The following EEF2KMT variants were observed in gnomAD, a reference collection of about 807,000 sequenced individuals.
EEF2KMT encodes the protein eukaryotic elongation factor 2 lysine methyltransferase.
EEF2KMT carries 30 observed loss-of-function variants against 35.1 expected under a neutral mutation model. The ratio of observed to expected loss-of-function variants is 0.85; its 90% CI spans 0.64 to 1.16. EEF2KMT has a LOEUF of 1.16. Ranked by LOEUF, EEF2KMT falls within the 50% of genes most tolerant of loss-of-function variation. The probability of loss-of-function intolerance (pLI) is 0.00; values close to 1 mark genes in which losing one functional copy is unlikely to be tolerated. For missense variants in EEF2KMT, 499 were observed against 438.2 expected, an observed-to-expected ratio of 1.14 and a Z score of -1.24; for synonymous variants, 190 against 187.7, an observed-to-expected ratio of 1.01 and a Z score of -0.10.
chr16:5,096,982 A>C (rs1957482570), intron 1 of EEF2KMT, among the ~76,000 whole-genome samples: 1 of 152,208 alleles, frequency 6.6e-6, no homozygotes, highest in South Asian at 2.1e-4. Context: ...CCAGGGAGGA[A>C]TATATATCCA....
At chr16:5,094,410 G>A (rs1034020792) in intron 2 of EEF2KMT, among the ~76,000 whole-genome samples, 2 of 152,128 alleles carry the variant, frequency 1.3e-5, no homozygotes, top group Non-Finnish European at 2.9e-5. Flanking sequence ...CTATAGGCAT[G>A]TACCACCACG....
At position 5,088,935 on chromosome 16, in the gene EEF2KMT, C is replaced by T. The variant is rs569769491; in HGVS notation, c.892+172G>A. 3.1e-4 allele frequency among the ~76,000 whole-genome samples: 47 copies of T among 152,310 alleles called. 1 individual carries two copies. Among genetic ancestry groups the T allele is most frequent in the African/African-American group, 9.4e-4 (39 of 41,566 alleles). On this transcript the variant is annotated intron_variant, in intron 7 of 7. Coordinates refer to ENST00000427587, the MANE Select transcript of EEF2KMT (RefSeq NM_201400.4). ...TGAGCTGCCCTCCTCCTGCCGCAAG[C>T]CCCCCACGCCCCAAGCCCACCCTGC...
At chr16:5,093,849 G>C (rs1471254487) in intron 2 of EEF2KMT, among the ~76,000 whole-genome samples, 1 of 152,252 alleles carries the variant, frequency 6.6e-6, no homozygotes, top group Non-Finnish European at 1.5e-5. Context: ...TCCCAGGGGA[G>C]CCAGTGTGAA....
At chr16:5,096,138 C>A (rs1957459259) in intron 1 of EEF2KMT, among the ~76,000 whole-genome samples, 1 of 152,104 alleles carries the variant, frequency 6.6e-6, no homozygotes, top group Non-Finnish European at 1.5e-5. Flanking sequence ...GGCTTGTTTC[C>A]ACCACAGGGC....
In EEF2KMT at chr16:5,084,703, G is replaced by T. The variant is rs761551695; in HGVS notation, c.*929C>A. 1.3e-6 allele frequency: 2 copies of T among 1,596,284 alleles called. No homozygotes were observed. The highest frequency in any genetic ancestry group is 1.1e-5 in the South Asian group (1 of 90,964). On this transcript the variant is annotated 3_prime_UTR_variant, in exon 8 of 8. Coordinates refer to ENST00000427587, the MANE Select transcript of EEF2KMT (RefSeq NM_201400.4). ...TCAGCCAGGTGGTGACCTGGGATGGGGTGGGGACAGGCAATGAGGTAAGCT... is the reference window on the plus strand; with the variant it reads ...TCAGCCAGGTGGTGACCTGGGATGGTGTGGGGACAGGCAATGAGGTAAGCT...
Position 5,085,714 on chromosome 16 carries a change from C to T in EEF2KMT, c.911G>A (p.Trp304Ter). The change falls in exon 8 of 8, where the codon TGG becomes TAG. Residue 304 changes from tryptophan (W) to a stop codon, truncating the protein, a stop_gained. Transcript: ENST00000427587. LOFTEE classifies it low-confidence loss of function (END_TRUNC). ...TTELGRAGIR[W>*]EVEPRHEQKL... Reference sequence around the variant, plus strand: ...CTGCTCATGACGAGGTTCCACTTCCCATCTGATCCCGGCCCGGCCTGGAAA... The same window carrying T: ...CTGCTCATGACGAGGTTCCACTTCCTATCTGATCCCGGCCCGGCCTGGAAA... 1 of 1,611,800 alleles carries T rather than the reference C, an allele frequency of 6.2e-7. No homozygotes were observed. Among genetic ancestry groups the T allele is most frequent in the Non-Finnish European group, 8.5e-7 (1 of 1,179,710 alleles).
chr16:5,087,133 C>G (rs1474365405), intron 7 of EEF2KMT: 3 of 152,296 alleles, frequency 2.0e-5, no homozygotes. Flanking sequence ...AATCTTTTGG[C>G]CTCCCTGTGC....
chr16:5,084,557 A>C lies in EEF2KMT; in HGVS notation c.*1075T>G. On this transcript the variant is annotated 3_prime_UTR_variant, in exon 8 of 8. Transcript: ENST00000427587. ...TGTGGGAAAGTGGGACATGCGGGGAAGTTTCCAGAAACTGTGATGTCAAGT... is the reference window on the plus strand; with the variant it reads ...TGTGGGAAAGTGGGACATGCGGGGACGTTTCCAGAAACTGTGATGTCAAGT... 1.1e-6 allele frequency: 1 copy of C among 882,458 alleles called. No homozygotes were observed. The highest frequency in any genetic ancestry group is 1.8e-6 in the Non-Finnish European group (1 of 569,396). 54.7% of individuals were successfully genotyped at this position (882,458 alleles called of 1,614,324 possible). A position where few individuals can be genotyped will look rare whatever the true frequency, so the allele number is the denominator to read the frequency against.
In EEF2KMT at chr16:5,091,800, A is replaced by G. The variant is rs1198332550; in HGVS notation, c.336T>C (p.Tyr112=). The change falls in exon 4 of 8, where the codon TAT becomes TAC. Residue 112 remains tyrosine, a synonymous_variant. Transcript: ENST00000427587. ...AKESTQGHRS[Y]LLPSGGSVTL... ...GAGGGTGCCCTTCTCATACCAGCAA[A>G]TAGCTCCGGTGGCCCTGGGTGGACT... 1.2e-6 allele frequency: 2 copies of G among 1,611,628 alleles called. No homozygotes were observed. The highest frequency in any genetic ancestry group is 2.2e-5 in the South Asian group (2 of 90,982).
At chr16:5,097,465 G>A (rs1029512047) in intron 1 of EEF2KMT, 179 bp downstream of exon 1, 1 of 1,416,378 alleles carries the variant, frequency 7.1e-7, no homozygotes, top group Non-Finnish European at 9.3e-7. Context: ...CGGGGCAGGA[G>A]GGGTGCGAGC....
At chr16:5,097,493 A>C in intron 1 of EEF2KMT, 151 bp downstream of exon 1, 1 of 1,432,436 alleles carries the variant, frequency 7.0e-7, no homozygotes, top group Non-Finnish European at 9.2e-7. Context: ...GCCAGGCCCC[A>C]GGGACGGGGA....
Position 5,084,560 on chromosome 16 carries a change from T to G in EEF2KMT, c.*1072A>C, listed in dbSNP as rs1276782154. 1.1e-6 allele frequency: 1 copy of G among 937,512 alleles called. No individual in the cohort carries two copies. Among genetic ancestry groups the G allele is most frequent in the Admixed American group, 2.1e-5 (1 of 46,642 alleles). The allele number at this position is 937,512 out of a possible 1,614,324, so 58.1% of individuals were successfully genotyped here. A position where few individuals can be genotyped will look rare whatever the true frequency, so the allele number is the denominator to read the frequency against. ...GGGAAAGTGGGACATGCGGGGAAGT[T>G]TCCAGAAACTGTGATGTCAAGTTGG... On this transcript the variant is annotated 3_prime_UTR_variant, in exon 8 of 8. Transcript: ENST00000427587.
chr16:5,095,927 G>A (rs150412424), intron 1 of EEF2KMT, among the ~76,000 whole-genome samples: 3,840 of 151,302 alleles, frequency 0.025, 103 homozygotes, highest in East Asian at 0.13. Context: ...CTTGGCTCCC[G>A]AGTTAGGCAG....
At chr16:5,091,479 C>G (rs148655395) in intron 4 of EEF2KMT, among the ~76,000 whole-genome samples, 1 of 151,488 alleles carries the variant, frequency 6.6e-6, no homozygotes, top group Non-Finnish European at 1.5e-5. Context: ...CCTCCCAAAG[C>G]GCTGGGATTA....
Position 5,085,721 on chromosome 16 carries a change from TCCCGG to T in EEF2KMT, c.899_903del (p.Ala300AspfsTer10). ...TGACGAGGTTCCACTTCCCATCTGA[TCCCGG>T]CCCGGCCTGGAAACAGAGCACATGT... On this transcript the variant is annotated frameshift_variant, in exon 8 of 8. Transcript: ENST00000427587. LOFTEE classifies it low-confidence loss of function (END_TRUNC). 1 of 1,611,544 alleles carries T rather than the reference TCCCGG, an allele frequency of 6.2e-7. No homozygotes were observed. Among genetic ancestry groups the T allele is most frequent in the Non-Finnish European group, 8.5e-7 (1 of 1,179,532 alleles).
At chr16:5,092,298 C>G (rs1161825201) in intron 3 of EEF2KMT, among the ~76,000 whole-genome samples, 3 of 152,126 alleles carry the variant, frequency 2.0e-5, no homozygotes, top group Non-Finnish European at 2.9e-5. Context: ...GTGTTTGGAT[C>G]AAACACAGAG....
chr16:5,088,073 C>T (rs1471691440), intron 7 of EEF2KMT, among the ~76,000 whole-genome samples: 1 of 151,906 alleles, frequency 6.6e-6, no homozygotes, highest in South Asian at 2.1e-4. Flanking sequence ...TCCTGAGTAG[C>T]TGGGACTACA....
chr16:5,095,534 A>G lies in EEF2KMT; in HGVS notation c.97-20T>C. On this transcript the variant is annotated intron_variant, in intron 1 of 7. Coordinates refer to ENST00000427587, the MANE Select transcript of EEF2KMT (RefSeq NM_201400.4). ...TAAGCTCTGTGTGGAGGGGAAAGAG[A>G]GAAATCTCAAGGGCGCATTCACAGG... The G allele has an allele frequency of 6.2e-7, 1 of 1,611,192 alleles. No homozygotes were observed. The highest frequency in any genetic ancestry group is 2.3e-4 in the Middle Eastern group (1 of 4,418).
In EEF2KMT at chr16:5,090,800, G is replaced by C. The variant is rs1957326924; in HGVS notation, c.343-235C>G. Reference sequence around the variant, plus strand: ...GATTCCATTCATCGAACCTTCCTGAGACAACGGAATTCTGGCGATGGAACA... The same window carrying C: ...GATTCCATTCATCGAACCTTCCTGACACAACGGAATTCTGGCGATGGAACA... On this transcript the variant is annotated intron_variant, in intron 4 of 7. Coordinates refer to ENST00000427587, the MANE Select transcript of EEF2KMT (RefSeq NM_201400.4). This position sits in a 1 kb window ranked among gnomAD's most constrained non-coding sequence, Gnocchi z 4.1. 6.6e-6 allele frequency among the ~76,000 whole-genome samples: 1 copy of C among 152,196 alleles called. No individual in the cohort carries two copies. Among genetic ancestry groups the C allele is most frequent in the Non-Finnish European group, 1.5e-5 (1 of 68,040 alleles).
Sources: allele counts gnomAD v4.1 joint callset (sites outside exome capture counted in the v4.1 genomes callset), GRCh38; gene constraint gnomAD v4.1.1; non-coding constraint Gnocchi (gnomAD v3.1); transcripts MANE v1.5; gene names NCBI Gene and HGNC (gene_info 2026-07-23, HGNC 2026-07-21).